The following GPC5 variants were observed in gnomAD, a reference collection of about 807,000 sequenced individuals.
GPC5 encodes the protein glypican 5, also known as glypican-5.
In GPC5, 47 loss-of-function variants were observed where a neutral mutation model predicts 53.9. That is an observed-to-expected ratio of 0.87 (90% CI 0.69 to 1.11). The LOEUF is 1.11. Among genes scored for constraint, GPC5 ranks in the 50% most tolerant of loss-of-function variants. GPC5 has a pLI of 0.00. For synonymous variants in GPC5, 286 were observed against 263.3 expected (o/e 1.09, Z -0.84); for missense variants, 748 against 713.1 (o/e 1.05, Z -0.56).
chr13:92,736,693 T>A (rs1291295009), intron 7 of GPC5, among the ~76,000 whole-genome samples: 2 of 151,950 alleles, frequency 1.3e-5, no homozygotes, highest in Admixed American at 1.3e-4. Flanking sequence ...ACAATCTTTT[T>A]ATTTATCTCT....
chr13:92,010,808 G>T (rs2040654662), intron 6 of GPC5, among the ~76,000 whole-genome samples: 1 of 152,158 alleles, frequency 6.6e-6, no homozygotes, highest in Non-Finnish European at 1.5e-5. Flanking sequence ...CACCAACCAT[G>T]ATGGCACCTT....
intron 2 of GPC5, among the ~76,000 whole-genome samples, chr13:91,491,756 T>A (rs552203435): frequency 1.2e-4 from 19 of 152,288 alleles, no homozygotes; most frequent in African/African-American, 4.3e-4. Context: ...TCTTCACATC[T>A]TCTTTGTGTG....
At chr13:92,574,410 G>C (rs948221891) in intron 7 of GPC5, among the ~76,000 whole-genome samples, 1 of 151,966 alleles carries the variant, frequency 6.6e-6, no homozygotes, top group Non-Finnish European at 1.5e-5. Context: ...TTTTTTCAAA[G>C]TTTGTTGTAT....
At chr13:91,756,938 G>C (rs577327471) in intron 5 of GPC5, among the ~76,000 whole-genome samples, 1 of 151,810 alleles carries the variant, frequency 6.6e-6, no homozygotes, top group Non-Finnish European at 1.5e-5. Flanking sequence ...CTATGTAATA[G>C]TGGGGGCACT....
intron 6 of GPC5, among the ~76,000 whole-genome samples, chr13:92,065,827 T>C (rs1025175839): frequency 3.3e-5 from 5 of 152,158 alleles, no homozygotes; most frequent in African/African-American, 1.2e-4. Flanking sequence ...ATTACAAATT[T>C]TATTAATTGA....
intron 2 of GPC5, among the ~76,000 whole-genome samples, chr13:91,455,326 T>TCTAG (rs1881465937): frequency 6.6e-6 from 1 of 152,108 alleles, no homozygotes; most frequent in South Asian, 2.1e-4. Context: ...CTCTAGTGGT[T>TCTAG]TGTGTGCATT....
At chr13:91,856,733 G>C (rs1454427127) in intron 5 of GPC5, among the ~76,000 whole-genome samples, 4 of 150,854 alleles carry the variant, frequency 2.7e-5, no homozygotes, top group Non-Finnish European at 5.9e-5. Flanking sequence ...TCTGCAGCTT[G>C]CTGTTTTATT....
At chr13:92,482,845 G>C (rs966212703) in intron 7 of GPC5, among the ~76,000 whole-genome samples, 3 of 152,090 alleles carry the variant, frequency 2.0e-5, no homozygotes, top group African/African-American at 7.2e-5. Context: ...CTTAATGATG[G>C]GGATACTGTA....
At chr13:92,682,290 GCT>G (rs1283375372) in intron 7 of GPC5, among the ~76,000 whole-genome samples, 4 of 152,034 alleles carry the variant, frequency 2.6e-5, no homozygotes, top group Admixed American at 2.6e-4. Context: ...GCAACATTGT[GCT>G]CTCTCTCTCC....
At chr13:92,712,546 A>C (rs567410553) in intron 7 of GPC5, among the ~76,000 whole-genome samples, 1 of 152,238 alleles carries the variant, frequency 6.6e-6, no homozygotes, top group African/African-American at 2.4e-5. Flanking sequence ...CTTTATACCA[A>C]AACCACGATC....
intron 1 of GPC5, among the ~76,000 whole-genome samples, chr13:91,426,887 A>G (rs572983262): frequency 2.6e-5 from 4 of 152,300 alleles, no homozygotes; most frequent in Non-Finnish European, 5.9e-5. Context: ...AATCCAGTCA[A>G]GTTGCCACTA....
intron 5 of GPC5, among the ~76,000 whole-genome samples, chr13:91,843,725 G>A (rs991409590): frequency 6.6e-6 from 1 of 152,132 alleles, no homozygotes; most frequent in African/African-American, 2.4e-5. Flanking sequence ...ATTGGAGGAA[G>A]GGAGATACCT....
intron 5 of GPC5, among the ~76,000 whole-genome samples, chr13:91,768,171 A>G (rs894216320): frequency 6.6e-6 from 1 of 152,212 alleles, no homozygotes; most frequent in African/African-American, 2.4e-5. Context: ...GAGATTGGAA[A>G]AGAACAGGCA....
chr13:92,253,750 A>T (rs1482289590), intron 7 of GPC5, among the ~76,000 whole-genome samples: 3 of 152,154 alleles, frequency 2.0e-5, no homozygotes, highest in Non-Finnish European at 4.4e-5. Context: ...CTTGAAAGAT[A>T]GTACTATTTT....
At chr13:91,934,434 T>C (rs1361134624) in intron 6 of GPC5, among the ~76,000 whole-genome samples, 2 of 151,908 alleles carry the variant, frequency 1.3e-5, no homozygotes, top group African/African-American at 4.8e-5. Flanking sequence ...TTGAGAGTAA[T>C]ACTTGCTTTT....
chr13:91,974,666 A>C (rs1315511262), intron 6 of GPC5, among the ~76,000 whole-genome samples: 1 of 152,208 alleles, frequency 6.6e-6, no homozygotes, highest in East Asian at 1.9e-4. Flanking sequence ...GGTAGGAAGA[A>C]TCAATATGGT....
At chr13:92,412,714 T>C (rs1441654251) in intron 7 of GPC5, among the ~76,000 whole-genome samples, 1 of 152,172 alleles carries the variant, frequency 6.6e-6, no homozygotes, top group Non-Finnish European at 1.5e-5. Flanking sequence ...TTGAATTATT[T>C]ACCATCTAGC....
intron 7 of GPC5, among the ~76,000 whole-genome samples, chr13:92,286,509 G>A (rs2042955862): frequency 6.6e-6 from 1 of 152,076 alleles, no homozygotes; most frequent in African/African-American, 2.4e-5. Flanking sequence ...TGATAGACTG[G>A]ATTAAGAAAA....
intron 7 of GPC5, among the ~76,000 whole-genome samples, chr13:92,731,439 T>A (rs892570199): frequency 6.6e-6 from 1 of 151,344 alleles, no homozygotes; most frequent in Non-Finnish European, 1.5e-5. Context: ...CATGAACATA[T>A]AAGTAATAAG....
Sources: gnomAD v4.1 joint callset for allele counts (sites outside exome capture counted in the v4.1 genomes callset) on GRCh38, gnomAD v4.1.1 for gene constraint, MANE v1.5 for transcripts, NCBI Gene and HGNC (gene_info 2026-07-23, HGNC 2026-07-21) for gene names.